The following ASGR2 variants were observed in gnomAD, a reference collection of about 807,000 sequenced individuals.
The protein encoded by ASGR2 is asialoglycoprotein receptor 2, also known as C-type lectin domain family 4 member H2.
In ASGR2, 34 loss-of-function variants were observed where a neutral mutation model predicts 32.3. The observed-to-expected ratio is 1.05, with a 90% CI of 0.80 to 1.40. The LOEUF (loss-of-function observed/expected upper bound fraction) is 1.40, where lower values mean the gene tolerates loss of function less well. Among genes scored for constraint, ASGR2 ranks in the 40% most tolerant of loss-of-function variants. The pLI is 0.00. For synonymous variants in ASGR2, 143 were observed against 150.0 expected, an observed-to-expected ratio of 0.95 and a Z score of 0.34; for missense variants, 385 against 386.4, an observed-to-expected ratio of 1.00 and a Z score of 0.03.
chr17:7,104,372 C>G (rs745612123), intron 7 of ASGR2, among the ~76,000 whole-genome samples: 1 of 85,038 alleles, frequency 1.2e-5, no homozygotes, highest in African/African-American at 5.1e-5. Flanking sequence ...AAAAAAAAAG[C>G]CAGGCGTAGT....
chr17:7,107,238 G>C lies in ASGR2; in HGVS notation c.489C>G (p.His163Gln). The change falls in exon 6 of 9, where the codon CAC becomes CAG. Residue 163 changes from histidine (H) to glutamine (Q), a missense_variant. By Grantham distance (24) the His-to-Gln change is conservative (BLOSUM62 0). Coordinates refer to ENST00000691900, the MANE Select transcript of ASGR2 (RefSeq NM_001201352.2). This position sits in a 1 kb window ranked among gnomAD's most constrained non-coding sequence, Gnocchi z 5.0. ...AGACGGCCCCACCCCTACCGTTGCT[G>C]TGGAGGAGCTCCATCTGGCAGGCCA... ...RFVACQMELLHSNGSQRTCCP... is the reference protein window; with the variant it reads ...RFVACQMELLQSNGSQRTCCP... 6.2e-7 allele frequency: 1 copy of C among 1,614,186 alleles called. No individual in the cohort carries two copies. The highest frequency in any genetic ancestry group is 8.5e-7 in the Non-Finnish European group (1 of 1,180,038).
intron 2 of ASGR2, among the ~76,000 whole-genome samples, chr17:7,111,476 GA>G (rs954073584): frequency 1.3e-5 from 2 of 152,062 alleles, no homozygotes; most frequent in Admixed American, 1.3e-4. Context: ...CTAACATGGT[GA>G]AACCCCATCT....
At chr17:7,104,348 T>TA (rs71383461) in intron 7 of ASGR2, among the ~76,000 whole-genome samples, 1,499 of 79,788 alleles carry the variant, frequency 0.019, 64 homozygotes, top group African/African-American at 0.06. Context: ...AACTCTGTCT[T>TA]AAAAAAAAAA....
At position 7,108,971 on chromosome 17, in the gene ASGR2, C is replaced by A; in HGVS notation, c.125-83G>T. 3.3e-5 allele frequency: 45 copies of A among 1,371,628 alleles called. No individual in the cohort carries two copies. Among genetic ancestry groups the A allele is most frequent in the East Asian group, 5.4e-5 (2 of 37,242 alleles). The allele number at this position is 1,371,628 out of a possible 1,614,324, so 85.0% of individuals were successfully genotyped here. On this transcript the variant is annotated intron_variant, in intron 2 of 8. Coordinates refer to ENST00000691900, the MANE Select transcript of ASGR2 (RefSeq NM_001201352.2). The surrounding 1 kb of genome is among the most constrained non-coding windows in gnomAD (Gnocchi z 4.9). ...GACAGGGCACCGAAGCCTGAGGAGG[C>A]ATAACCTGGGCGGGGGGATTGGTTG... is the stretch of plus-strand genomic sequence containing the variant.
chr17:7,111,789 C>G (rs1205005867), intron 2 of ASGR2, among the ~76,000 whole-genome samples: 1 of 151,068 alleles, frequency 6.6e-6, no homozygotes. Flanking sequence ...TTTGGGAGGT[C>G]GACACGGGGG....
Position 7,108,705 on chromosome 17 carries a change from T to C in ASGR2, c.241+67A>G, listed in dbSNP as rs1914206088. ...CTTCCCCTCCCATCGCCCCGATCGC[T>C]GCCCGCCACTGCCCATGTCTCTTTC... On this transcript the variant is annotated intron_variant, in intron 3 of 8. Coordinates refer to ENST00000691900, the MANE Select transcript of ASGR2 (RefSeq NM_001201352.2). The surrounding 1 kb of genome is among the most constrained non-coding windows in gnomAD (Gnocchi z 4.9). The C allele has an allele frequency of 3.7e-6, 6 of 1,611,914 alleles. No individual in the cohort carries two copies. The South Asian group carries it at 4.4e-5, about 12-fold the overall frequency.
chr17:7,105,419 T>C (rs1490087962), intron 7 of ASGR2, among the ~76,000 whole-genome samples: 1 of 152,158 alleles, frequency 6.6e-6, no homozygotes, highest in Non-Finnish European at 1.5e-5. Context: ...CTCAGACACC[T>C]GTAATCCCAA....
rs190931366 is a variant in ASGR2 at position 7,104,933 on chromosome 17, G to A, written c.648+2067C>T. On this transcript the variant is annotated intron_variant, in intron 7 of 8. Coordinates refer to ENST00000691900, the MANE Select transcript of ASGR2 (RefSeq NM_001201352.2). ...AGAGGTTGCAGTGAGCCAAGATCGC[G>A]CCATTGCACTCCAGCCTGGGCGACA... Among the ~76,000 whole-genome samples, 505 of 149,456 alleles carry A rather than the reference G, an allele frequency of 3.4e-3. 1 individual carries two copies. The highest frequency in any genetic ancestry group is 0.012 in the African/African-American group (488 of 40,488).
At position 7,114,148 on chromosome 17, in the gene ASGR2, C is replaced by G. The variant is rs779680699; in HGVS notation, c.93G>C (p.Leu31=). 6.2e-7 allele frequency: 1 copy of G among 1,614,224 alleles called. No individual in the cohort carries two copies. Among genetic ancestry groups the G allele is most frequent in the East Asian group, 2.2e-5 (1 of 44,888 alleles). ...AAAATGGATTTCCTCTCCTGGGATT[C>G]AGCCTGCGAGTGCCTGGCCCCTCAC... ...HQGEGPGTRR[L]NPRRGNPFLK... is the part of the protein sequence containing the mutation. Residue 31 remains leucine (L), a synonymous_variant, in exon 2 of 9, where the codon CTG becomes CTC. Coordinates refer to ENST00000691900, the MANE Select transcript of ASGR2 (RefSeq NM_001201352.2). The surrounding 1 kb of genome is among the most constrained non-coding windows in gnomAD (Gnocchi z 4.5).
chr17:7,104,495 T>C (rs1913341205), intron 7 of ASGR2, among the ~76,000 whole-genome samples: 1 of 133,976 alleles, frequency 7.5e-6, no homozygotes, highest in Non-Finnish European at 1.6e-5. Flanking sequence ...CTACTAAAAA[T>C]ATAAATATTA....
Position 7,101,629 on chromosome 17 carries a change from C to T in ASGR2, c.867G>A (p.Gln289=). Residue 289 remains glutamine (Q), a synonymous_variant, in exon 9 of 9, where the codon CAG becomes CAA. Transcript: ENST00000691900. ...DGRWNDDFCL[Q]VYRWVCEKRR... ...TTTTCTCACACACCCAGCGGTACAC[C>T]TGCAGGCAGAAGTCATCGTTCCAGC... 1 of 1,614,216 alleles carries T rather than the reference C, an allele frequency of 6.2e-7. No homozygotes were observed. The highest frequency in any genetic ancestry group is 8.5e-7 in the Non-Finnish European group (1 of 1,180,042).
chr17:7,111,263 G>T (rs1024839320), intron 2 of ASGR2, among the ~76,000 whole-genome samples: 2 of 152,194 alleles, frequency 1.3e-5, no homozygotes, highest in Admixed American at 1.3e-4. Context: ...AGATATTATA[G>T]CCATATCCCA....
intron 7 of ASGR2, among the ~76,000 whole-genome samples, chr17:7,105,582 G>A (rs149569401): frequency 1.4e-4 from 22 of 152,222 alleles, no homozygotes; most frequent in Admixed American, 3.9e-4. Flanking sequence ...GGGAGGCTGA[G>A]GTGGGAGAAT....
rs138787117 is a variant in ASGR2, at chr17:7,108,748, C to A, written c.241+24G>T. On this transcript the variant is annotated intron_variant, in intron 3 of 8. Transcript: ENST00000691900. This position sits in a 1 kb window ranked among gnomAD's most constrained non-coding sequence, Gnocchi z 4.9. ...TCTCTTTCCCTACCCCTTGCCCATC[C>A]CTGCTGGCCCCCGTGACCCTCACTT... The A allele has an allele frequency of 9.9e-6, 16 of 1,614,030 alleles. No individual in the cohort carries two copies. The highest frequency in any genetic ancestry group is 1.3e-5 in the Non-Finnish European group (15 of 1,179,904).
intron 7 of ASGR2, among the ~76,000 whole-genome samples, chr17:7,104,127 T>C (rs1913257881): frequency 6.6e-6 from 1 of 150,996 alleles, no homozygotes; most frequent in Non-Finnish European, 1.5e-5. Context: ...GGCAGGTGAA[T>C]CACCTGAGAT....
chr17:7,109,659 GACACAC>G (rs909567000), intron 2 of ASGR2, among the ~76,000 whole-genome samples: 7 of 151,838 alleles, frequency 4.6e-5, no homozygotes, highest in African/African-American at 1.7e-4. Flanking sequence ...TGACAGCACT[GACACAC>G]ACATTCACAT....
At position 7,112,753 on chromosome 17, in the gene ASGR2, C is replaced by G. The variant is rs1020978167; in HGVS notation, c.124+1364G>C. 5.3e-5 allele frequency among the ~76,000 whole-genome samples: 8 copies of G among 152,188 alleles called. 1 individual carries two copies. The highest frequency in any genetic ancestry group is 2.0e-4 in the Admixed American group (3 of 15,298). ...GCCCTGCCCAGCACCGGCCCTCCCT[C>G]GGTTGGCCAGCCTCAGGAATGAGGA... On this transcript the variant is annotated intron_variant, in intron 2 of 8. Coordinates refer to ENST00000691900, the MANE Select transcript of ASGR2 (RefSeq NM_001201352.2).
rs918536567 is a variant in ASGR2 at position 7,114,005 on chromosome 17, G to A, written c.124+112C>T. 20 of 1,483,710 alleles carry A rather than the reference G, an allele frequency of 1.3e-5. No individual in the cohort carries two copies. Among genetic ancestry groups the A allele is most frequent in the African/African-American group, 2.8e-5 (2 of 72,192 alleles). 91.9% of individuals were successfully genotyped at this position (1,483,710 alleles called of 1,614,324 possible). A position where few individuals can be genotyped will look rare whatever the true frequency, so the allele number is the denominator to read the frequency against. The stretch of plus-strand genomic sequence containing the variant: ...AGGTGAGGGAACAAGCGGGGGTGTC[G>A]GGCCCTCCTCAGTCCCTGTTCACAG... On this transcript the variant is annotated intron_variant, in intron 2 of 8. Coordinates refer to ENST00000691900, the MANE Select transcript of ASGR2 (RefSeq NM_001201352.2). The surrounding 1 kb of genome is among the most constrained non-coding windows in gnomAD (Gnocchi z 4.5).
rs1201141134 is a variant in ASGR2, at chr17:7,107,974, G to A, written c.338-67C>T. On this transcript the variant is annotated intron_variant, in intron 4 of 8. Transcript: ENST00000691900. This position sits in a 1 kb window ranked among gnomAD's most constrained non-coding sequence, Gnocchi z 5.0. Reference sequence around the variant, plus strand: ...CCGTCCTCATGCTGCTGGGGGACCGGGGGCCAGCGCCTCGTCCTGGGCGAT... The same window carrying A: ...CCGTCCTCATGCTGCTGGGGGACCGAGGGCCAGCGCCTCGTCCTGGGCGAT... 12 of 1,584,990 alleles carry A rather than the reference G, an allele frequency of 7.6e-6. No individual in the cohort carries two copies. The African/African-American group carries it at 9.4e-5, about 12-fold the overall frequency.
Sources: allele counts gnomAD v4.1 joint callset (sites outside exome capture counted in the v4.1 genomes callset), GRCh38; gene constraint gnomAD v4.1.1; non-coding constraint Gnocchi (gnomAD v3.1); transcripts MANE v1.5; gene names NCBI Gene and HGNC (gene_info 2026-07-23, HGNC 2026-07-21).